The following TGS1 variants were observed in gnomAD, a reference collection of about 807,000 sequenced individuals.
The protein encoded by TGS1 is trimethylguanosine synthase 1.
Under a neutral mutation model 92.2 loss-of-function variants are expected in TGS1, and 69 were observed. The ratio of observed to expected loss-of-function variants is 0.75; its 90% confidence interval spans 0.62 to 0.91. TGS1 has a LOEUF of 0.91. Among genes scored for constraint, TGS1 ranks in the 40% least tolerant of loss-of-function variants. The pLI is 0.00. For synonymous variants in TGS1, 345 were observed against 338.1 expected, an observed-to-expected ratio of 1.02 and a Z score of -0.22; for missense variants, 1,062 against 1,001.2, an observed-to-expected ratio of 1.06 and a Z score of -0.82.
At chr8:55,795,091 A>G (rs774016856) in intron 6 of TGS1, among the ~76,000 whole-genome samples, 4 of 152,202 alleles carry the variant, frequency 2.6e-5, no homozygotes, top group Admixed American at 6.5e-5. Context: ...TAAGATCATA[A>G]AGTTTAGCAT....
Position 55,796,063 on chromosome 8 carries a change from C to G in TGS1, c.1453C>G (p.Arg485Gly), listed in dbSNP as rs777148018. The G allele has an allele frequency of 2.4e-5, 39 of 1,612,188 alleles. No individual in the cohort carries two copies. The South Asian group carries it at 4.3e-4, about 18-fold the overall frequency. ...VKLKSKYLDM[R>G]RQIKMKNKHI... ...GCTTAAGTCTAAGTACCTAGACATGCGCAGACAAATAAAGATGAAAAACAA... is the reference window on the plus strand; with the variant it reads ...GCTTAAGTCTAAGTACCTAGACATGGGCAGACAAATAAAGATGAAAAACAA... Residue 485 changes from arginine (R) to glycine (G), a missense_variant, in exon 7 of 13, where the codon CGC becomes GGC. Transcript: ENST00000260129.
intron 12 of TGS1, among the ~76,000 whole-genome samples, chr8:55,823,255 T>A (rs1405518849): frequency 6.6e-6 from 1 of 152,188 alleles, no homozygotes; most frequent in African/African-American, 2.4e-5. Flanking sequence ...GAACTTAGGG[T>A]AAAACATTTC....
At position 55,786,269 on chromosome 8, in the gene TGS1, TAAA is replaced by T; in HGVS notation, c.375_377del (p.Lys128del). On this transcript the variant is annotated inframe_deletion, in exon 4 of 13. Coordinates refer to ENST00000260129, the MANE Select transcript of TGS1 (RefSeq NM_024831.8). ...ATGAATACTAGAAATAAAGTTAAAA[TAAA>T]AAAGAAAAAACATCAAAAGAAATAC... is the stretch of plus-strand genomic sequence containing the variant. The T allele has an allele frequency of 6.7e-7, 1 of 1,492,330 alleles. No homozygotes were observed. Among genetic ancestry groups the T allele is most frequent in the Non-Finnish European group, 9.1e-7 (1 of 1,103,414 alleles). 92.4% of individuals were successfully genotyped at this position (1,492,330 alleles called of 1,614,324 possible).
chr8:55,812,330 C>T (rs540606997), intron 11 of TGS1, among the ~76,000 whole-genome samples: 69 of 152,042 alleles, frequency 4.5e-4, no homozygotes, highest in Admixed American at 2.2e-3. Context: ...GAGTTCAAGA[C>T]CAGCCTGGCC....
intron 12 of TGS1, among the ~76,000 whole-genome samples, chr8:55,817,696 T>C (rs1803522008): frequency 6.6e-6 from 1 of 152,104 alleles, no homozygotes; most frequent in African/African-American, 2.4e-5. Context: ...CTCGTAGAGG[T>C]AGAGAACATT....
At chr8:55,807,543 T>C (rs1318041693) in intron 10 of TGS1, among the ~76,000 whole-genome samples, 2 of 151,954 alleles carry the variant, frequency 1.3e-5, no homozygotes, top group Non-Finnish European at 2.9e-5. Flanking sequence ...TTGTTTTGTT[T>C]TTGAGACAGG....
chr8:55,782,172 T>G (rs1211161027), intron 1 of TGS1, among the ~76,000 whole-genome samples: 9 of 147,094 alleles, frequency 6.1e-5, no homozygotes, highest in Non-Finnish European at 1.0e-4. Context: ...ATTTATTTAT[T>G]TATTTATTTA....
At chr8:55,796,655 T>A (rs1428518420) in intron 7 of TGS1, among the ~76,000 whole-genome samples, 1 of 150,114 alleles carries the variant, frequency 6.7e-6, no homozygotes, top group Non-Finnish European at 1.5e-5. Context: ...GCCTTTTCAC[T>A]TCAACTTGGG....
At chr8:55,802,653 A>G (rs1356975148) in intron 9 of TGS1, 47 bp downstream of exon 9, 1 of 1,535,000 alleles carries the variant, frequency 6.5e-7, no homozygotes, top group East Asian at 2.3e-5. Context: ...ACCACTTCAA[A>G]CTTAAAAAGA....
intron 2 of TGS1, among the ~76,000 whole-genome samples, chr8:55,783,966 G>T (rs1368394362): frequency 6.6e-6 from 1 of 152,194 alleles, no homozygotes; most frequent in Non-Finnish European, 1.5e-5. Context: ...GCTTTCGTAA[G>T]TATATTTGAA....
chr8:55,799,308 C>T (rs757845237), intron 8 of TGS1, 88 bp downstream of exon 8: 18 of 1,241,524 alleles, frequency 1.4e-5, no homozygotes, highest in Non-Finnish European at 2.0e-5. Flanking sequence ...ACTTGTGAAT[C>T]TTCTGTACCT....
In TGS1 at chr8:55,782,788, A is replaced by G. The variant is rs746462874; in HGVS notation, c.142A>G (p.Ile48Val). ...CAATTTGGGATTAAAAGGCTATTACATCAGAGACAGTGGCAACAATTCAGG... is the reference window on the plus strand; with the variant it reads ...CAATTTGGGATTAAAAGGCTATTACGTCAGAGACAGTGGCAACAATTCAGG... ...LYNLGLKGYY[I>V]RDSGNNSGDQ... The change falls in exon 2 of 13, where the codon ATC (isoleucine) becomes GTC (valine). Residue 48 changes from isoleucine (I) to valine (V), a missense_variant. Physicochemically the swap from Ile to Val is conservative, Grantham distance 29 (BLOSUM62 3). Transcript: ENST00000260129. 1 of 1,610,398 alleles carries G rather than the reference A, an allele frequency of 6.2e-7. No individual in the cohort carries two copies. The highest frequency in any genetic ancestry group is 8.5e-7 in the Non-Finnish European group (1 of 1,178,802).
rs1029280810 is a variant in TGS1 at position 55,785,995 on chromosome 8, C to G, written c.339+104C>G. On this transcript the variant is annotated intron_variant, in intron 3 of 12. Transcript: ENST00000260129. ...ATTATATGCATTCACGATCAGCGCT[C>G]TCTACCTCTTTTTAAATGTATGTAT... is the stretch of plus-strand genomic sequence containing the variant. 16 of 897,954 alleles carry G rather than the reference C, an allele frequency of 1.8e-5. No homozygotes were observed. In the Admixed American group the frequency reaches 3.5e-4, roughly 20 times the overall value. 55.6% of individuals were successfully genotyped at this position (897,954 alleles called of 1,614,324 possible). A position where few individuals can be genotyped will look rare whatever the true frequency, so the allele number is the denominator to read the frequency against.
At chr8:55,807,056 G>A (rs941546922) in intron 10 of TGS1, among the ~76,000 whole-genome samples, 18 of 151,470 alleles carry the variant, frequency 1.2e-4, no homozygotes, top group Admixed American at 8.6e-4. Flanking sequence ...AGCCTCCCAC[G>A]TAGCTGGGAC....
At chr8:55,823,967 T>G (rs950066525) in intron 12 of TGS1, among the ~76,000 whole-genome samples, 9 of 151,916 alleles carry the variant, frequency 5.9e-5, no homozygotes, top group Non-Finnish European at 1.2e-4. Context: ...AATACAAAAA[T>G]TAGCTGGGCA....
In TGS1 at chr8:55,785,049, GTGTTTTT is replaced by G. The variant is rs374848178; in HGVS notation, c.167-647_167-641del. On this transcript the variant is annotated intron_variant, in intron 2 of 12. Coordinates refer to ENST00000260129, the MANE Select transcript of TGS1 (RefSeq NM_024831.8). ...TACTACTCCATATTACTGTCAATTG[GTGTTTTT>G]TGTTTTTTGTTTTTTGTTTTTTTTT... is the stretch of plus-strand genomic sequence containing the variant. Among the ~76,000 whole-genome samples the G allele has an allele frequency of 3.8e-3, 580 of 151,444 alleles. 7 individuals carry two copies. The highest frequency in any genetic ancestry group is 0.011 in the African/African-American group (438 of 41,142).
intron 7 of TGS1, 92 bp from the exon 8 acceptor site, chr8:55,798,822 G>A (rs77773049): frequency 0.012 from 12,671 of 1,048,264 alleles, 105 homozygotes; most frequent in Non-Finnish European, 0.015. Flanking sequence ...TTTTGACACA[G>A]CTTTTCAGTC....
At chr8:55,791,500 T>C (rs572033273) in intron 5 of TGS1, among the ~76,000 whole-genome samples, 1 of 152,368 alleles carries the variant, frequency 6.6e-6, no homozygotes, top group South Asian at 2.1e-4. Context: ...CAGTCCTTTG[T>C]TGTAATTTGT....
intron 12 of TGS1, among the ~76,000 whole-genome samples, chr8:55,813,797 G>A (rs376672216): frequency 2.0e-5 from 3 of 152,012 alleles, no homozygotes; most frequent in South Asian, 4.2e-4. Flanking sequence ...AGTGTTTGTC[G>A]CTTCCTTTTT....
Sources: allele counts gnomAD v4.1 joint callset (sites outside exome capture counted in the v4.1 genomes callset), GRCh38; gene constraint gnomAD v4.1.1; transcripts MANE v1.5; gene names NCBI Gene and HGNC (gene_info 2026-07-23, HGNC 2026-07-21).